Variants in ME1 observed in about 807,000 individuals in gnomAD.
ME1 encodes NADP-dependent malic enzyme.
In ME1, 74 loss-of-function variants were observed where a neutral mutation model predicts 66.4. The ratio of observed to expected loss-of-function variants is 1.11; its 90% confidence interval spans 0.92 to 1.35. The LOEUF (loss-of-function observed/expected upper bound fraction) is 1.35, where lower values mean the gene tolerates loss of function less well. Ranked by LOEUF, ME1 falls within the 40% of genes most tolerant of loss-of-function variation. ME1 has a pLI of 0.00. For missense variants in ME1, 750 were observed against 694.1 expected (o/e 1.08, Z -0.90); for synonymous variants, 251 against 235.6 (o/e 1.07, Z -0.60).
intron 6 of ME1, among the ~76,000 whole-genome samples, chr6:83,260,176 C>CAA (rs11386903): frequency 8.2e-4 from 118 of 143,494 alleles, no homozygotes; most frequent in East Asian, 2.2e-3. Flanking sequence ...TAGCAAGGAC[C>CAA]AAAAAAAAAA....
chr6:83,261,936 C>T (rs1766899451), intron 6 of ME1, among the ~76,000 whole-genome samples: 1 of 151,048 alleles, frequency 6.6e-6, no homozygotes. Flanking sequence ...ATCACTTGAA[C>T]CCAGGTGGTG....
At chr6:83,240,015 T>G (rs1054894288) in intron 7 of ME1, among the ~76,000 whole-genome samples, 3 of 152,110 alleles carry the variant, frequency 2.0e-5, no homozygotes, top group Non-Finnish European at 4.4e-5. Context: ...AAAGTAGTTT[T>G]ACTTTATGAT....
At chr6:83,214,681 G>C (rs979732810) in intron 13 of ME1, among the ~76,000 whole-genome samples, 1 of 151,984 alleles carries the variant, frequency 6.6e-6, no homozygotes, top group African/African-American at 2.4e-5. Flanking sequence ...CCCACTCCTA[G>C]ATATTCACCA....
chr6:83,218,707 T>C (rs936195417), intron 12 of ME1, among the ~76,000 whole-genome samples: 1 of 152,204 alleles, frequency 6.6e-6, no homozygotes, highest in African/African-American at 2.4e-5. Flanking sequence ...ATAAAAGAGA[T>C]GTTTGCCCTT....
chr6:83,350,971 C>CAAAAAAA (rs34259968), intron 4 of ME1, among the ~76,000 whole-genome samples: 14 of 55,792 alleles, frequency 2.5e-4, no homozygotes, highest in South Asian at 2.1e-3. Flanking sequence ...GTGGAGAAAG[C>CAAAAAAA]AAAAAAAAAA....
chr6:83,274,120 G>T (rs1002707745), intron 6 of ME1, among the ~76,000 whole-genome samples: 1 of 152,146 alleles, frequency 6.6e-6, no homozygotes, highest in East Asian at 1.9e-4. Context: ...ATATGGAGAA[G>T]AATAATATGA....
chr6:83,349,009 C>A (rs56082410), intron 4 of ME1, among the ~76,000 whole-genome samples: 36,065 of 121,134 alleles, frequency 0.3, 6,319 homozygotes, highest in Middle Eastern at 0.45. Flanking sequence ...AAACAAAAAA[C>A]AAAAAACAGT....
chr6:83,387,340 A>T (rs1212685405), intron 3 of ME1, among the ~76,000 whole-genome samples: 2 of 152,176 alleles, frequency 1.3e-5, no homozygotes, highest in African/African-American at 4.8e-5. Context: ...TTTTGGTTAA[A>T]GGAGTATTAG....
chr6:83,384,529 A>G (rs1769472943), intron 3 of ME1, among the ~76,000 whole-genome samples: 1 of 151,640 alleles, frequency 6.6e-6, no homozygotes, highest in Non-Finnish European at 1.5e-5. Context: ...TCCTTATATT[A>G]ATAGATTCTG....
At chr6:83,251,499 A>G (rs1167703644) in intron 7 of ME1, among the ~76,000 whole-genome samples, 1 of 151,924 alleles carries the variant, frequency 6.6e-6, no homozygotes, top group East Asian at 1.9e-4. Context: ...GTCTCAAAAA[A>G]AAAATTGCAT....
At chr6:83,293,171 A>G (rs922330783) in intron 6 of ME1, among the ~76,000 whole-genome samples, 6 of 152,058 alleles carry the variant, frequency 3.9e-5, no homozygotes, top group Non-Finnish European at 5.9e-5. Context: ...ACCAGTCCCA[A>G]TGAGATGAAC....
intron 1 of ME1, among the ~76,000 whole-genome samples, chr6:83,427,663 C>T (rs1274626810): frequency 6.6e-6 from 1 of 152,046 alleles, no homozygotes; most frequent in Non-Finnish European, 1.5e-5. Context: ...GAGCAAAATA[C>T]TGTACTAAAT....
At chr6:83,377,214 G>C (rs1371022664) in intron 3 of ME1, among the ~76,000 whole-genome samples, 1 of 152,174 alleles carries the variant, frequency 6.6e-6, no homozygotes, top group Non-Finnish European at 1.5e-5. Flanking sequence ...TGATGATGGG[G>C]TAACAAATCC....
At chr6:83,346,069 AC>A (rs1768678426) in intron 5 of ME1, 103 bp downstream of exon 5, 1 of 922,780 alleles carries the variant, frequency 1.1e-6, no homozygotes, top group South Asian at 2.4e-5. Context: ...AGAGAACCAG[AC>A]AAAAAAGAAT....
chr6:83,212,780 C>T (rs1438710784), intron 13 of ME1, among the ~76,000 whole-genome samples: 1 of 152,114 alleles, frequency 6.6e-6, no homozygotes, highest in Non-Finnish European at 1.5e-5. Flanking sequence ...TCTTGTGGTT[C>T]CCAAAAAGCA....
At chr6:83,239,114 A>G (rs182098929) in intron 8 of ME1, among the ~76,000 whole-genome samples, 1 of 152,116 alleles carries the variant, frequency 6.6e-6, no homozygotes, top group African/African-American at 2.4e-5. Context: ...TCTTAAAAAC[A>G]CATATGTAGT....
At chr6:83,222,303 C>G (rs763858326) in intron 12 of ME1, among the ~76,000 whole-genome samples, 1 of 152,148 alleles carries the variant, frequency 6.6e-6, no homozygotes, top group African/African-American at 2.4e-5. Context: ...AAGAAAACGA[C>G]AGGAGAACAT....
rs536783311 is a variant in ME1, at chr6:83,236,666, G to A, written c.1026+1051C>T. Among the ~76,000 whole-genome samples, 6 of 152,272 alleles carry A rather than the reference G, an allele frequency of 3.9e-5. No individual in the cohort carries two copies. In the East Asian group the frequency reaches 9.6e-4, roughly 24 times the overall value. On this transcript the variant is annotated intron_variant, in intron 9 of 13. Transcript: ENST00000369705. The stretch of plus-strand genomic sequence containing the variant: ...AGTAGATACTATTATCACTATTAAA[G>A]ATGGAGAAACTCAAGCTCAGGTAAG...
chr6:83,217,664 C>A (rs763043154), intron 12 of ME1, among the ~76,000 whole-genome samples: 2 of 152,072 alleles, frequency 1.3e-5, no homozygotes, highest in Non-Finnish European at 2.9e-5. Context: ...TTATAGTGCA[C>A]AGTGGCTTGA....
Sources: allele counts gnomAD v4.1 joint callset (sites outside exome capture counted in the v4.1 genomes callset), GRCh38; gene constraint gnomAD v4.1.1; transcripts MANE v1.5; gene names NCBI Gene and HGNC (gene_info 2026-07-23, HGNC 2026-07-21).